The following DNAJC18 variants were observed in gnomAD, a reference collection of about 807,000 sequenced individuals.
DNAJC18 encodes dnaJ homolog subfamily C member 18.
In DNAJC18, 40 loss-of-function variants were observed where a neutral mutation model predicts 48.6. That is an observed-to-expected ratio of 0.82 (90% CI 0.64 to 1.07). The LOEUF (loss-of-function observed/expected upper bound fraction) is 1.07, where lower values mean the gene tolerates loss of function less well. Among genes scored for constraint, DNAJC18 ranks in the 50% least tolerant of loss-of-function variants. DNAJC18 has a pLI of 0.00. For synonymous variants in DNAJC18, 135 were observed against 152.2 expected, an observed-to-expected ratio of 0.89 and a Z score of 0.83; for missense variants, 340 against 427.7, an observed-to-expected ratio of 0.79 and a Z score of 1.81.
chr5:139,424,250 G>A (rs1306899195), intron 5 of DNAJC18, among the ~76,000 whole-genome samples: 1 of 152,120 alleles, frequency 6.6e-6, no homozygotes, highest in Non-Finnish European at 1.5e-5. Flanking sequence ...GACAATCTGG[G>A]CCCAAAGAGT....
rs1486147926 is a variant in DNAJC18 at position 139,437,516 on chromosome 5, G to A, written c.83C>T (p.Thr28Ile). 6.2e-7 allele frequency: 1 copy of A among 1,613,742 alleles called. No individual in the cohort carries two copies. Among genetic ancestry groups the A allele is most frequent in the Admixed American group, 1.7e-5 (1 of 59,932 alleles). Residue 28 changes from threonine to isoleucine, a missense_variant, in exon 2 of 8, where the codon ACA (threonine) becomes ATA (isoleucine). Physicochemically the swap from Thr to Ile is moderately conservative, Grantham distance 89 (BLOSUM62 -1). Coordinates refer to ENST00000302060, the MANE Select transcript of DNAJC18 (RefSeq NM_152686.4). ...ACAGGGGTCATGACTCTCAGGAGGT[G>A]TGTCTTCTGGGTATTTGTTTCTTCT... Reference protein sequence around the residue: ...AVRRNKYPEDTPPESHDPCGC... With the variant: ...AVRRNKYPEDIPPESHDPCGC...
At chr5:139,417,568 ATTTTTTTTTTTTTT>A (rs762169642) in intron 7 of DNAJC18, among the ~76,000 whole-genome samples, 3 of 114,484 alleles carry the variant, frequency 2.6e-5, no homozygotes, top group Non-Finnish European at 1.8e-5. Context: ...TACTCACTGG[ATTTTTTTTTTTTTT>A]TTTTTTTTTT....
rs1296142323 is a variant in DNAJC18 at position 139,426,156 on chromosome 5, A to G, written c.559+16T>C. ...TAAAGAAATATGTTTAAGAATGATA[A>G]TTTGGGGAGACTAACCTGTAGGAAA... On this transcript the variant is annotated intron_variant, in intron 4 of 7. Coordinates refer to ENST00000302060, the MANE Select transcript of DNAJC18 (RefSeq NM_152686.4). 2 of 1,607,960 alleles carry G rather than the reference A, an allele frequency of 1.2e-6. No individual in the cohort carries two copies. Among genetic ancestry groups the G allele is most frequent in the Non-Finnish European group, 1.7e-6 (2 of 1,178,150 alleles).
At chr5:139,433,314 G>T (rs948719050) in intron 2 of DNAJC18, among the ~76,000 whole-genome samples, 3 of 152,014 alleles carry the variant, frequency 2.0e-5, no homozygotes, top group Non-Finnish European at 2.9e-5. Context: ...CATGATGGTG[G>T]GCGCCTGTAA....
intron 3 of DNAJC18, among the ~76,000 whole-genome samples, chr5:139,426,734 A>G (rs1023325720): frequency 9.9e-5 from 15 of 152,160 alleles, no homozygotes; most frequent in Non-Finnish European, 1.6e-4. Flanking sequence ...TCATTCATAA[A>G]AAATGTGTTC....
At chr5:139,425,150 C>G in intron 4 of DNAJC18, 36 bp from the exon 5 acceptor site, 1 of 1,547,208 alleles carries the variant, frequency 6.5e-7, no homozygotes. Flanking sequence ...ATATGGCAAA[C>G]ACTCCTTCCC....
chr5:139,413,168 A>G lies in DNAJC18; in HGVS notation c.*980T>C, dbSNP rs1020952869. ...AATGAATGAAAAATCATCTCAAATC[A>G]CAAACTATAGGATACTGGGTTAAAC... On this transcript the variant is annotated 3_prime_UTR_variant, in exon 8 of 8. Transcript: ENST00000302060. 2 of 329,906 alleles carry G rather than the reference A, an allele frequency of 6.1e-6. No homozygotes were observed. Among genetic ancestry groups the G allele is most frequent in the South Asian group, 1.6e-4 (1 of 6,410 alleles). 20.4% of individuals were successfully genotyped at this position (329,906 alleles called of 1,614,324 possible). A position where few individuals can be genotyped will look rare whatever the true frequency, so the allele number is the denominator to read the frequency against.
In DNAJC18 at chr5:139,435,356, A is replaced by T. The variant is rs553961896; in HGVS notation, c.227+2016T>A. Among the ~76,000 whole-genome samples the T allele has an allele frequency of 7.3e-4, 111 of 152,216 alleles. 4 individuals carry two copies. The South Asian group carries it at 0.022, about 30-fold the overall frequency. ...TGACAGAGCAAGAATCCGTCTCAAAAAAAAAAGAGTGTTGGATTTTGTTAA... is the reference window on the plus strand; with the variant it reads ...TGACAGAGCAAGAATCCGTCTCAAATAAAAAAGAGTGTTGGATTTTGTTAA... On this transcript the variant is annotated intron_variant, in intron 2 of 7. Coordinates refer to ENST00000302060, the MANE Select transcript of DNAJC18 (RefSeq NM_152686.4).
intron 2 of DNAJC18, 87 bp from the exon 3 acceptor site, chr5:139,428,770 T>C (rs1347987238): frequency 6.8e-7 from 1 of 1,476,058 alleles, no homozygotes; most frequent in Non-Finnish European, 9.0e-7. Flanking sequence ...ACCTCCAATC[T>C]GTGGGACCCA....
chr5:139,425,171 T>A (rs997829918), intron 4 of DNAJC18, 57 bp from the exon 5 acceptor site: 1 of 1,028,194 alleles, frequency 9.7e-7, no homozygotes, highest in African/African-American at 1.7e-5. Context: ...TGCCTTTTTC[T>A]TTTTTTTTTG....
rs377125785 is a variant in DNAJC18, at chr5:139,435,705, G to GTTTTTTTTTTTTTTT, written c.227+1652_227+1666dup. Among the ~76,000 whole-genome samples the GTTTTTTTTTTTTTTT allele has an allele frequency of 2.0e-3, 82 of 41,190 alleles. 28 individuals are homozygous for GTTTTTTTTTTTTTTT. The highest frequency in any genetic ancestry group is 9.9e-3 in the South Asian group (6 of 608). The allele number at this position is 41,190 out of a possible 152,430, so 27.0% of individuals were successfully genotyped here. A position where few individuals can be genotyped will look rare whatever the true frequency, so the allele number is the denominator to read the frequency against. ...GGGCCTGGACTTTTCTTCATTGGAAGTTTTTTTTTTTTTTTTTTTTTTTTT... is the reference window on the plus strand; with the variant it reads ...GGGCCTGGACTTTTCTTCATTGGAAGTTTTTTTTTTTTTTTTTTTTTTTTTTTTTTTTTTTTTTTT... On this transcript the variant is annotated intron_variant, in intron 2 of 7. Coordinates refer to ENST00000302060, the MANE Select transcript of DNAJC18 (RefSeq NM_152686.4).
chr5:139,438,315 C>CA (rs35642628), intron 1 of DNAJC18, among the ~76,000 whole-genome samples: 72,821 of 130,878 alleles, frequency 0.56, 21,380 homozygotes, highest in Non-Finnish European at 0.7. Flanking sequence ...GACTCCGTCT[C>CA]AAAAAAAAAA....
chr5:139,421,786 C>T (rs954186916), intron 6 of DNAJC18, among the ~76,000 whole-genome samples: 15 of 152,014 alleles, frequency 9.9e-5, no homozygotes, highest in Non-Finnish European at 7.4e-5. Flanking sequence ...CCAGCCCAGG[C>T]GACAGAGTGA....
Position 139,410,574 on chromosome 5 carries a change from G to A in DNAJC18, c.*3574C>T, listed in dbSNP as rs1236779905. 3 of 152,202 alleles carry A rather than the reference G, an allele frequency of 2.0e-5. No homozygotes were observed. The highest frequency in any genetic ancestry group is 7.2e-5 in the African/African-American group (3 of 41,456). 9.4% of individuals were successfully genotyped at this position (152,202 alleles called of 1,614,324 possible). A position where few individuals can be genotyped will look rare whatever the true frequency, so the allele number is the denominator to read the frequency against. On this transcript the variant is annotated 3_prime_UTR_variant, in exon 8 of 8. Coordinates refer to ENST00000302060, the MANE Select transcript of DNAJC18 (RefSeq NM_152686.4). Reference sequence around the variant, plus strand: ...ATATGAATGAAGTGCAAGCTCCTGTGAGGAGCAGTGCATGCAGATGATGTA... The same window carrying A: ...ATATGAATGAAGTGCAAGCTCCTGTAAGGAGCAGTGCATGCAGATGATGTA...
At position 139,413,758 on chromosome 5, in the gene DNAJC18, AAT is replaced by A. The variant is rs1034883928; in HGVS notation, c.*388_*389del. Reference sequence around the variant, plus strand: ...TTCTTGGTAGACAGTGTAAATAACTAATATTAAGCTTTGGCTAAGCCTAGGAA... The same window carrying A: ...TTCTTGGTAGACAGTGTAAATAACTAATTAAGCTTTGGCTAAGCCTAGGAA... On this transcript the variant is annotated 3_prime_UTR_variant, in exon 8 of 8. Coordinates refer to ENST00000302060, the MANE Select transcript of DNAJC18 (RefSeq NM_152686.4). 1 of 163,950 alleles carries A rather than the reference AAT, an allele frequency of 6.1e-6. No homozygotes were observed. Among genetic ancestry groups the A allele is most frequent in the African/African-American group, 2.4e-5 (1 of 41,836 alleles). The allele number at this position is 163,950 out of a possible 1,614,324, so 10.2% of individuals were successfully genotyped here.
chr5:139,422,668 C>T, intron 6 of DNAJC18, 40 bp downstream of exon 6: 1 of 1,452,118 alleles, frequency 6.9e-7, no homozygotes, highest in African/African-American at 1.4e-5. Context: ...CTTTCACCCC[C>T]AGACTGTTAC....
In DNAJC18 at chr5:139,413,997, C is replaced by T. The variant is rs1032738090; in HGVS notation, c.*151G>A. 17 of 1,148,004 alleles carry T rather than the reference C, an allele frequency of 1.5e-5. No homozygotes were observed. The highest frequency in any genetic ancestry group is 2.0e-4 in the Middle Eastern group (1 of 4,956). The allele number at this position is 1,148,004 out of a possible 1,614,324, so 71.1% of individuals were successfully genotyped here. Reference sequence around the variant, plus strand: ...ATCCTGTGAAGACACATCTGGCTCTCGTGCCCATGCTCCTGCCACTCTGCC... The same window carrying T: ...ATCCTGTGAAGACACATCTGGCTCTTGTGCCCATGCTCCTGCCACTCTGCC... On this transcript the variant is annotated 3_prime_UTR_variant, in exon 8 of 8. Transcript: ENST00000302060.
Position 139,413,000 on chromosome 5 carries a change from A to G in DNAJC18, c.*1148T>C, listed in dbSNP as rs1759015428. On this transcript the variant is annotated 3_prime_UTR_variant, in exon 8 of 8. Coordinates refer to ENST00000302060, the MANE Select transcript of DNAJC18 (RefSeq NM_152686.4). Reference sequence around the variant, plus strand: ...GCCTACCGTCTTGCTCTGCCACTACAAGACCTGGGTCATCCTCTCTGGGCC... The same window carrying G: ...GCCTACCGTCTTGCTCTGCCACTACGAGACCTGGGTCATCCTCTCTGGGCC... 2.5e-6 allele frequency: 1 copy of G among 397,856 alleles called. No homozygotes were observed. The highest frequency in any genetic ancestry group is 4.4e-6 in the Non-Finnish European group (1 of 226,022). 24.6% of individuals were successfully genotyped at this position (397,856 alleles called of 1,614,324 possible). A position where few individuals can be genotyped will look rare whatever the true frequency, so the allele number is the denominator to read the frequency against.
chr5:139,417,604 C>T (rs753822350), intron 7 of DNAJC18, among the ~76,000 whole-genome samples: 10 of 144,630 alleles, frequency 6.9e-5, no homozygotes, highest in Non-Finnish European at 1.5e-4. Flanking sequence ...GATGGAGTCT[C>T]GCTCTGTCAC....
Sources: gnomAD v4.1 joint callset for allele counts (sites outside exome capture counted in the v4.1 genomes callset) on GRCh38, gnomAD v4.1.1 for gene constraint, MANE v1.5 for transcripts, NCBI Gene and HGNC (gene_info 2026-07-23, HGNC 2026-07-21) for gene names.